Variants in NDST4 observed in about 807,000 individuals in gnomAD.
NDST4 encodes N-deacetylase and N-sulfotransferase 4.
A neutral mutation model predicts 100.8 loss-of-function variants in NDST4; 63 were observed. That is an observed-to-expected ratio of 0.62 (90% CI 0.51 to 0.77). The LOEUF is 0.77. Among genes scored for constraint, NDST4 ranks in the 30% least tolerant of loss-of-function variants. The pLI is 0.00. For missense variants in NDST4, 943 were observed against 1,018.4 expected, an observed-to-expected ratio of 0.93 and a Z score of 1.01; for synonymous variants, 377 against 361.8, an observed-to-expected ratio of 1.04 and a Z score of -0.48.
At chr4:115,089,938 G>A (rs981059211) in intron 1 of NDST4, among the ~76,000 whole-genome samples, 1 of 151,488 alleles carries the variant, frequency 6.6e-6, no homozygotes, top group Non-Finnish European at 1.5e-5. Context: ...TGTCCCCACA[G>A]AATTTATCTA....
chr4:115,027,582 T>C lies in NDST4; in HGVS notation c.978+48477A>G, dbSNP rs185584224. Among the ~76,000 whole-genome samples, 518 of 152,280 alleles carry C rather than the reference T, an allele frequency of 3.4e-3. 3 individuals are homozygous for C. Among genetic ancestry groups the C allele is most frequent in the Non-Finnish European group, 4.1e-3 (277 of 68,020 alleles). ...ATCATTTTTATACACTCATAAAAAG[T>C]GAGAAGTTTTAAATAACACAGATAC... is the stretch of plus-strand genomic sequence containing the variant. On this transcript the variant is annotated intron_variant, in intron 2 of 13. Coordinates refer to ENST00000264363, the MANE Select transcript of NDST4 (RefSeq NM_022569.3).
At chr4:114,965,820 A>G (rs1204647454) in intron 4 of NDST4, among the ~76,000 whole-genome samples, 1 of 152,042 alleles carries the variant, frequency 6.6e-6, no homozygotes. Context: ...TGTATGGTAT[A>G]TGCACTTTTC....
intron 4 of NDST4, among the ~76,000 whole-genome samples, chr4:114,946,260 T>C (rs1290517516): frequency 6.6e-6 from 1 of 152,010 alleles, no homozygotes; most frequent in Admixed American, 6.6e-5. Context: ...ATTCATTTTA[T>C]TCATGGTGAG....
At chr4:114,936,815 A>G (rs949363546) in intron 5 of NDST4, among the ~76,000 whole-genome samples, 1 of 152,218 alleles carries the variant, frequency 6.6e-6, no homozygotes, top group Admixed American at 6.5e-5. Context: ...AAGAGAGAGC[A>G]GTATTCTTAG....
At chr4:114,879,610 G>A (rs1288192430) in intron 6 of NDST4, among the ~76,000 whole-genome samples, 1 of 152,064 alleles carries the variant, frequency 6.6e-6, no homozygotes, top group Non-Finnish European at 1.5e-5. Context: ...AGGGACTCTG[G>A]TGCTGTTGTT....
rs1728513264 is a variant in NDST4 at position 115,048,561 on chromosome 4, C to G, written c.978+27498G>C. 2.0e-5 allele frequency among the ~76,000 whole-genome samples: 3 copies of G among 152,088 alleles called. No individual in the cohort carries two copies. In the South Asian group the frequency reaches 6.2e-4, roughly 32 times the overall value. ...TACGAGAATTTTTAAGGCTTGATTACACGCGTGAGCCACCGTGCCCGACCC... is the reference window on the plus strand; with the variant it reads ...TACGAGAATTTTTAAGGCTTGATTAGACGCGTGAGCCACCGTGCCCGACCC... On this transcript the variant is annotated intron_variant, in intron 2 of 13. Coordinates refer to ENST00000264363, the MANE Select transcript of NDST4 (RefSeq NM_022569.3).
chr4:115,076,109 C>A lies in NDST4; in HGVS notation c.928G>T (p.Asp310Tyr). Residue 310 changes from aspartate to tyrosine, a missense_variant, in exon 2 of 14, where the codon GAT becomes TAT. Coordinates refer to ENST00000264363, the MANE Select transcript of NDST4 (RefSeq NM_022569.3). Reference protein sequence around the residue: ...LDRYILVDIDDIFVGKEGTRM... With the variant: ...LDRYILVDIDYIFVGKEGTRM... Reference sequence around the variant, plus strand: ...GTTCCCTCTTTCCCAACAAATATATCATCAATGTCCACAAGGATGTACCTG... The same window carrying A: ...GTTCCCTCTTTCCCAACAAATATATAATCAATGTCCACAAGGATGTACCTG... The A allele has an allele frequency of 1.9e-6, 3 of 1,613,572 alleles. No homozygotes were observed. The highest frequency in any genetic ancestry group is 1.7e-6 in the Non-Finnish European group (2 of 1,179,784).
At chr4:114,987,812 A>T (rs925517388) in intron 2 of NDST4, among the ~76,000 whole-genome samples, 2 of 152,158 alleles carry the variant, frequency 1.3e-5, no homozygotes, top group African/African-American at 4.8e-5. Context: ...CACTTGCTTA[A>T]GTTTATGGTT....
intron 6 of NDST4, among the ~76,000 whole-genome samples, chr4:114,893,916 T>G (rs544770478): frequency 6.6e-6 from 1 of 152,304 alleles, no homozygotes; most frequent in Non-Finnish European, 1.5e-5. Flanking sequence ...AATTTTTGTG[T>G]AAGGTGTAAG....
chr4:114,893,597 T>G (rs192612002), intron 6 of NDST4, among the ~76,000 whole-genome samples: 1 of 152,246 alleles, frequency 6.6e-6, no homozygotes, highest in East Asian at 1.9e-4. Context: ...TGTTTTTTTT[T>G]TCTTGTAAAT....
chr4:114,937,368 G>A lies in NDST4; in HGVS notation c.1357C>T (p.His453Tyr). 1 of 1,614,136 alleles carries A rather than the reference G, an allele frequency of 6.2e-7. No individual in the cohort carries two copies. The highest frequency in any genetic ancestry group is 1.3e-5 in the African/African-American group (1 of 75,032). The change falls in exon 5 of 14, where the codon CAT (histidine) becomes TAT (tyrosine). Residue 453 changes from histidine (H) to tyrosine (Y), a missense_variant. This residue lies in a region of NDST4 where 526 missense variants were observed against 634.1 expected (regional missense o/e 0.83). Transcript: ENST00000264363. ...TTTCTGTACCGGGCAGGTTTCAGAT[G>A]TGGATATTCTTCAGTGCTGGTGACT... ...IQVTSTEEYP[H>Y]LKPARYRKGF...
intron 2 of NDST4, among the ~76,000 whole-genome samples, chr4:115,067,178 G>T (rs1728967356): frequency 6.6e-6 from 1 of 151,942 alleles, no homozygotes; most frequent in Non-Finnish European, 1.5e-5. Context: ...TGCTTGACTG[G>T]CTGGGCCATC....
At position 115,012,148 on chromosome 4, in the gene NDST4, C is replaced by A. The variant is rs1485648617; in HGVS notation, c.979-34874G>T. On this transcript the variant is annotated intron_variant, in intron 2 of 13. Coordinates refer to ENST00000264363, the MANE Select transcript of NDST4 (RefSeq NM_022569.3). ...AAATTACAAACCAATAAACAGGCAACAATTGATTCCAAGAATCAATGATCC... is the reference window on the plus strand; with the variant it reads ...AAATTACAAACCAATAAACAGGCAAAAATTGATTCCAAGAATCAATGATCC... Among the ~76,000 whole-genome samples the A allele has an allele frequency of 4.6e-5, 7 of 151,828 alleles. No individual in the cohort carries two copies. The East Asian group carries it at 1.4e-3, about 29-fold the overall frequency.
intron 4 of NDST4, among the ~76,000 whole-genome samples, chr4:114,965,260 GCTCT>G (rs1488541139): frequency 1.3e-5 from 2 of 151,900 alleles, no homozygotes; most frequent in East Asian, 1.9e-4. Context: ...TTGAAAGGAA[GCTCT>G]CTCTCAGTTT....
At chr4:114,953,989 C>T (rs1256452834) in intron 4 of NDST4, among the ~76,000 whole-genome samples, 1 of 152,082 alleles carries the variant, frequency 6.6e-6, no homozygotes, top group Non-Finnish European at 1.5e-5. Context: ...CTAGCTGATG[C>T]TCTGTAATTT....
At chr4:114,939,785 T>C (rs1725709351) in intron 4 of NDST4, among the ~76,000 whole-genome samples, 1 of 152,158 alleles carries the variant, frequency 6.6e-6, no homozygotes, top group East Asian at 1.9e-4. Context: ...AGTGTTATAC[T>C]GTTCATAAGG....
chr4:115,008,644 C>T (rs1465489383), intron 2 of NDST4, among the ~76,000 whole-genome samples: 1 of 128,526 alleles, frequency 7.8e-6, no homozygotes, highest in Non-Finnish European at 1.7e-5. Flanking sequence ...TGCCCTCTCT[C>T]ACCACTCCTA....
Position 114,977,291 on chromosome 4 carries a change from AT to A in NDST4, c.979-18del. The A allele has an allele frequency of 6.5e-7, 1 of 1,527,416 alleles. No individual in the cohort carries two copies. The highest frequency in any genetic ancestry group is 9.0e-7 in the Non-Finnish European group (1 of 1,112,222). The allele number at this position is 1,527,416 out of a possible 1,614,324, so 94.6% of individuals were successfully genotyped here. On this transcript the variant is annotated intron_variant, in intron 2 of 13. Transcript: ENST00000264363. The stretch of plus-strand genomic sequence containing the variant: ...TAGTAATGCCTGAAATAAATAAGAA[AT>A]TAACATGATTTTAGAAAAATAAATA...
At chr4:115,065,225 T>C (rs1471127414) in intron 2 of NDST4, among the ~76,000 whole-genome samples, 1 of 152,070 alleles carries the variant, frequency 6.6e-6, no homozygotes, top group Non-Finnish European at 1.5e-5. Flanking sequence ...TCTTAGCTAC[T>C]TTCCACTCCT....
Sources: allele counts gnomAD v4.1 joint callset (sites outside exome capture counted in the v4.1 genomes callset), GRCh38; gene constraint gnomAD v4.1.1; regional missense constraint gnomAD v4.1.1; transcripts MANE v1.5; gene names NCBI Gene and HGNC (gene_info 2026-07-23, HGNC 2026-07-21).